The following NKTR variants were observed in gnomAD, a reference collection of about 807,000 sequenced individuals.
NKTR encodes natural killer cell triggering receptor.
In NKTR, 67 loss-of-function variants were observed where a neutral mutation model predicts 156.3. The ratio of observed to expected loss-of-function variants is 0.43; its 90% CI spans 0.35 to 0.53. The LOEUF (loss-of-function observed/expected upper bound fraction) is 0.53, where lower values mean the gene tolerates loss of function less well. Ranked by LOEUF, NKTR falls within the 20% of genes least tolerant of loss-of-function variation. The pLI is 0.01. For synonymous variants in NKTR, 640 were observed against 596.6 expected (o/e 1.07, Z -1.06); for missense variants, 1,604 against 1,730.9 (o/e 0.93, Z 1.30).
chr3:42,629,023 A>G, intron 6 of NKTR: 1 of 834,658 alleles, frequency 1.2e-6, no homozygotes, highest in South Asian at 5.5e-5. Flanking sequence ...ACAAATAAAA[A>G]TAAAAGCACT....
chr3:42,621,383 G>GTGACTTATAAT (rs751290268), intron 5 of NKTR, 46 bp from the exon 6 acceptor site: 1 of 1,581,692 alleles, frequency 6.3e-7, no homozygotes, highest in Non-Finnish European at 8.6e-7. Flanking sequence ...TTACTTTAAA[G>GTGACTTATAAT]TGACTTATAA....
chr3:42,639,729 G>C lies in NKTR; in HGVS notation c.4025G>C (p.Arg1342Thr), dbSNP rs1410166460. 1.2e-6 allele frequency: 2 copies of C among 1,609,326 alleles called. No individual in the cohort carries two copies. Among genetic ancestry groups the C allele is most frequent in the Admixed American group, 1.7e-5 (1 of 59,270 alleles). The change falls in exon 13 of 17, where the codon AGA (arginine) becomes ACA (threonine). Residue 1342 changes from arginine (R) to threonine (T), a missense_variant. Coordinates refer to ENST00000232978, the MANE Select transcript of NKTR (RefSeq NM_005385.4). ...VSYSHSRSRS[R>T]SSTSSYRSRS... ...TATAGTCACTCAAGAAGTCGATCGAGAAGTTCCACATCATCTTATCGGTGA... is the reference window on the plus strand; with the variant it reads ...TATAGTCACTCAAGAAGTCGATCGACAAGTTCCACATCATCTTATCGGTGA...
At chr3:42,610,624 G>A (rs1407057664) in intron 2 of NKTR, among the ~76,000 whole-genome samples, 1 of 150,682 alleles carries the variant, frequency 6.6e-6, no homozygotes, top group Non-Finnish European at 1.5e-5. Context: ...GATTTTTATA[G>A]GATTTTTCCT....
chr3:42,609,987 T>C (rs1292680592), intron 2 of NKTR, among the ~76,000 whole-genome samples: 1 of 152,156 alleles, frequency 6.6e-6, no homozygotes, highest in Admixed American at 6.5e-5. Context: ...TGTCCTCTTA[T>C]CTACTTACAT....
At chr3:42,606,568 C>T (rs1252788429) in intron 2 of NKTR, among the ~76,000 whole-genome samples, 1 of 152,130 alleles carries the variant, frequency 6.6e-6, no homozygotes, top group Non-Finnish European at 1.5e-5. Context: ...TTCTTGCTTT[C>T]ACTCCCTATG....
At chr3:42,643,312 G>A (rs1710057205) in intron 14 of NKTR, 27 bp from the exon 15 acceptor site, 1 of 1,606,358 alleles carries the variant, frequency 6.2e-7, no homozygotes, top group Middle Eastern at 1.7e-4. Context: ...TCTATAAGAT[G>A]ATGGTCCTTC....
chr3:42,638,124 A>G lies in NKTR; in HGVS notation c.2420A>G (p.Tyr807Cys), dbSNP rs201712434. 6.2e-5 allele frequency: 100 copies of G among 1,613,862 alleles called. No homozygotes were observed. Among genetic ancestry groups the G allele is most frequent in the Non-Finnish European group, 1.4e-5 (16 of 1,180,012 alleles). The part of the protein sequence containing the change: ...KYSESRSSLD[Y>C]SSDSEQSSVQ... ...AGCGAGAGCAGATCATCTTTAGATT[A>G]TTCTTCAGACAGTGAGCAGTCAAGT... Residue 807 changes from tyrosine to cysteine, a missense_variant, in exon 13 of 17, where the codon TAT becomes TGT. Tyr to Cys is a radical substitution (Grantham distance 194). This residue lies in a region of NKTR where 1,255 missense variants were observed against 1,243.7 expected (regional missense o/e 1.01). Coordinates refer to ENST00000232978, the MANE Select transcript of NKTR (RefSeq NM_005385.4).
intron 2 of NKTR, among the ~76,000 whole-genome samples, chr3:42,614,246 G>A (rs922070674): frequency 3.3e-5 from 5 of 152,174 alleles, no homozygotes; most frequent in African/African-American, 1.2e-4. Flanking sequence ...TTACAGAGAT[G>A]GGGTTACTGT....
In NKTR at chr3:42,637,937, A is replaced by G. The variant is rs762197449; in HGVS notation, c.2233A>G (p.Thr745Ala). 2.9e-5 allele frequency: 47 copies of G among 1,613,814 alleles called. No individual in the cohort carries two copies. Among genetic ancestry groups the G allele is most frequent in the Non-Finnish European group, 3.9e-5 (46 of 1,179,840 alleles). The change falls in exon 13 of 17, where the codon ACT becomes GCT. Residue 745 changes from threonine (T) to alanine (A), a missense_variant. This residue lies in a region of NKTR where 1,255 missense variants were observed against 1,243.7 expected (regional missense o/e 1.01). Transcript: ENST00000232978. ...HSQCSRSSSY[T>A]SISSDDGRRA... The stretch of plus-strand genomic sequence containing the variant: ...ACAGTGTAGTAGATCATCTTCATAT[A>G]CTTCTATTAGCAGTGATGATGGAAG...
chr3:42,611,286 C>T (rs1706778576), intron 2 of NKTR: 2 of 152,292 alleles, frequency 1.3e-5, no homozygotes, highest in Middle Eastern at 3.4e-3. Flanking sequence ...GAAAAAGCTT[C>T]ATGTGGCTAA....
intron 11 of NKTR, chr3:42,635,019 A>C (rs1416662415): frequency 1.3e-5 from 6 of 445,358 alleles, no homozygotes; most frequent in Non-Finnish European, 2.4e-5. Context: ...GCCTTGTTTG[A>C]AATAACTTCA....
At position 42,637,215 on chromosome 3, in the gene NKTR, A is replaced by G. The variant is rs1559584262; in HGVS notation, c.1511A>G (p.Asp504Gly). Residue 504 changes from aspartate to glycine, a missense_variant, in exon 13 of 17, where the codon GAT (aspartate) becomes GGT (glycine). Asp to Gly is a moderately conservative substitution (Grantham distance 94). Transcript: ENST00000232978. Reference protein sequence around the residue: ...HSSKRDWSKSDKDVQSSLTHS... With the variant: ...HSSKRDWSKSGKDVQSSLTHS... ...TCAAAGAGAGACTGGTCTAAATCTG[A>G]TAAGGATGTCCAGAGCTCTTTAACC... The G allele has an allele frequency of 1.2e-6, 2 of 1,611,568 alleles. No homozygotes were observed. The highest frequency in any genetic ancestry group is 1.7e-6 in the Non-Finnish European group (2 of 1,179,294).
chr3:42,647,265 CTA>C lies in NKTR; in HGVS notation c.*1291_*1292del, dbSNP rs1278820497. ...CCAAAAATAATTGGACCTGTAAAAA[CTA>C]GTGTGTGTGTGTGTGTGTGTGTGTG... is the stretch of plus-strand genomic sequence containing the variant. On this transcript the variant is annotated 3_prime_UTR_variant, in exon 17 of 17. Transcript: ENST00000232978. 1.3e-3 allele frequency: 69 copies of C among 53,258 alleles called. No individual in the cohort carries two copies. Among genetic ancestry groups the C allele is most frequent in the African/African-American group, 6.6e-3 (69 of 10,380 alleles). 3.3% of individuals were successfully genotyped at this position (53,258 alleles called of 1,614,324 possible).
In NKTR at chr3:42,646,518, C is replaced by T. The variant is rs1710356186; in HGVS notation, c.*543C>T. The stretch of plus-strand genomic sequence containing the variant: ...GGGGTTCTTAATTCATTCCTAACTT[C>T]TTTGATACTTCACAGGATTAGGAAA... On this transcript the variant is annotated 3_prime_UTR_variant, in exon 17 of 17. Coordinates refer to ENST00000232978, the MANE Select transcript of NKTR (RefSeq NM_005385.4). 1 of 153,180 alleles carries T rather than the reference C, an allele frequency of 6.5e-6. No individual in the cohort carries two copies. The highest frequency in any genetic ancestry group is 1.5e-5 in the Non-Finnish European group (1 of 68,446). 9.5% of individuals were successfully genotyped at this position (153,180 alleles called of 1,614,324 possible).
intron 6 of NKTR, among the ~76,000 whole-genome samples, chr3:42,621,724 A>G (rs1429627651): frequency 6.6e-6 from 1 of 151,982 alleles, no homozygotes; most frequent in Non-Finnish European, 1.5e-5. Context: ...GACTTAAAAA[A>G]TTTAAAACTT....
At chr3:42,609,790 C>T (rs1043102606) in intron 2 of NKTR, among the ~76,000 whole-genome samples, 3 of 151,976 alleles carry the variant, frequency 2.0e-5, no homozygotes, top group African/African-American at 7.3e-5. Context: ...TAGAATGTTT[C>T]TTGTTGTTTT....
rs567804975 is a variant in NKTR, at chr3:42,633,590, A to G, written c.784A>G (p.Arg262Gly). The part of the protein sequence containing the change: ...HAMNPKGHSE[R>G]SDTNEKRSVD... Reference sequence around the variant, plus strand: ...TTGGTTTGTTCTAAGTCACTCTGAGAGGAGTGATACCAATGAAAAAAGGTC... The same window carrying G: ...TTGGTTTGTTCTAAGTCACTCTGAGGGGAGTGATACCAATGAAAAAAGGTC... Residue 262 changes from arginine to glycine, a missense_variant, in exon 10 of 17, where the codon AGG (arginine) becomes GGG (glycine). Physicochemically the swap from Arg to Gly is moderately radical, Grantham distance 125. Coordinates refer to ENST00000232978, the MANE Select transcript of NKTR (RefSeq NM_005385.4). The G allele has an allele frequency of 5.6e-5, 90 of 1,613,392 alleles. No homozygotes were observed. The highest frequency in any genetic ancestry group is 6.7e-5 in the Non-Finnish European group (79 of 1,179,384).
intron 13 of NKTR, among the ~76,000 whole-genome samples, chr3:42,641,063 A>G (rs1213132061): frequency 2.6e-5 from 4 of 152,158 alleles, no homozygotes; most frequent in Admixed American, 2.6e-4. Flanking sequence ...TAGAAAGGCT[A>G]AGGGACTTGT....
In NKTR at chr3:42,633,643, A is replaced by C. The variant is rs759716229; in HGVS notation, c.837A>C (p.Lys279Asn). 6.2e-7 allele frequency: 1 copy of C among 1,613,986 alleles called. No individual in the cohort carries two copies. The highest frequency in any genetic ancestry group is 1.3e-5 in the African/African-American group (1 of 74,896). Residue 279 changes from lysine to asparagine, a missense_variant, in exon 10 of 17, where the codon AAA becomes AAC. Coordinates refer to ENST00000232978, the MANE Select transcript of NKTR (RefSeq NM_005385.4). The stretch of plus-strand genomic sequence containing the variant: ...TTGATTCCAGTGCTAAAAGGGAAAA[A>C]CCTGTGGTCCGCCCAGAAGAGATTC... The part of the protein sequence containing the change: ...RSVDSSAKRE[K>N]PVVRPEEIPP...
Sources: allele counts gnomAD v4.1 joint callset (sites outside exome capture counted in the v4.1 genomes callset), GRCh38; gene constraint gnomAD v4.1.1; regional missense constraint gnomAD v4.1.1; transcripts MANE v1.5; gene names NCBI Gene and HGNC (gene_info 2026-07-23, HGNC 2026-07-21).